Variants in SDK1 observed in about 807,000 individuals in gnomAD.
SDK1 encodes protein sidekick-1.
Under a neutral mutation model 245.5 loss-of-function variants are expected in SDK1, and 157 were observed. That is an observed-to-expected ratio of 0.64 (90% CI 0.56 to 0.73). SDK1 has a LOEUF of 0.73. Ranked by LOEUF, SDK1 falls within the 30% of genes least tolerant of loss-of-function variation. The probability of loss-of-function intolerance (pLI) is 0.00; values close to 1 mark genes in which losing one functional copy is unlikely to be tolerated. For missense variants in SDK1, 3,583 were observed against 3,002.3 expected (o/e 1.19, Z -4.52); for synonymous variants, 1,647 against 1,278.5 (o/e 1.29, Z -6.15).
chr7:3,672,050 G>A (rs1783716390), intron 4 of SDK1, among the ~76,000 whole-genome samples: 1 of 152,154 alleles, frequency 6.6e-6, no homozygotes, highest in South Asian at 2.1e-4. Flanking sequence ...CGGCCTCTGG[G>A]AGGGCTTATC....
At position 4,140,574 on chromosome 7, in the gene SDK1, G is replaced by T. The variant is rs183156948; in HGVS notation, c.4229-5148G>T. ...TCAGAATCCCATCATACTGCAGCAGGGGGGAGCTGAGGCCAACAGCAGGGT... is the reference window on the plus strand; with the variant it reads ...TCAGAATCCCATCATACTGCAGCAGTGGGGAGCTGAGGCCAACAGCAGGGT... On this transcript the variant is annotated intron_variant, in intron 28 of 44. Coordinates refer to ENST00000404826, the MANE Select transcript of SDK1 (RefSeq NM_152744.4). 1.3e-3 allele frequency among the ~76,000 whole-genome samples: 204 copies of T among 152,116 alleles called. 3 individuals carry two copies. Among genetic ancestry groups the T allele is most frequent in the Non-Finnish European group, 3.1e-4 (21 of 67,998 alleles).
Position 3,358,268 on chromosome 7 carries a change from C to T in SDK1, c.298+56384C>T, listed in dbSNP as rs191111275. ...AACTCCCGACCTCAAGTGATCTGCC[C>T]GTCTCAGCCTCCCAAAGTGCTGGGA... On this transcript the variant is annotated intron_variant, in intron 1 of 44. Coordinates refer to ENST00000404826, the MANE Select transcript of SDK1 (RefSeq NM_152744.4). 2.2e-3 allele frequency among the ~76,000 whole-genome samples: 330 copies of T among 152,200 alleles called. 1 individual carries two copies. Among genetic ancestry groups the T allele is most frequent in the African/African-American group, 7.5e-3 (313 of 41,532 alleles).
intron 4 of SDK1, among the ~76,000 whole-genome samples, chr7:3,789,397 C>A (rs1052067008): frequency 3.1e-4 from 47 of 152,360 alleles, no homozygotes; most frequent in African/African-American, 9.4e-4. Context: ...ATCCACTCGC[C>A]TCAGCCTCCC....
intron 5 of SDK1, among the ~76,000 whole-genome samples, chr7:3,873,208 C>A (rs911344717): frequency 1.3e-5 from 2 of 152,030 alleles, no homozygotes; most frequent in Non-Finnish European, 2.9e-5. Flanking sequence ...GATATTTTTA[C>A]TGGGTGTAGA....
At chr7:3,513,968 C>G (rs1296365705) in intron 1 of SDK1, among the ~76,000 whole-genome samples, 1 of 152,202 alleles carries the variant, frequency 6.6e-6, no homozygotes, top group Non-Finnish European at 1.5e-5. Context: ...AGATTTTATT[C>G]TCTTTTATGG....
rs1583291250 is a variant in SDK1, at chr7:3,670,455, A to G, written c.713+28350A>G. On this transcript the variant is annotated intron_variant, in intron 4 of 44. Coordinates refer to ENST00000404826, the MANE Select transcript of SDK1 (RefSeq NM_152744.4). The stretch of plus-strand genomic sequence containing the variant: ...ATGATCTTAGACAAGTTCTTAAACA[A>G]AACAAAACTTTTATTAATGGACAAG... Among the ~76,000 whole-genome samples the G allele has an allele frequency of 2.0e-5, 3 of 152,328 alleles. No homozygotes were observed. The East Asian group carries it at 5.8e-4, about 29-fold the overall frequency.
At chr7:3,471,928 A>C (rs61452261) in intron 1 of SDK1, among the ~76,000 whole-genome samples, 25,856 of 152,190 alleles carry the variant, frequency 0.17, 2,417 homozygotes, top group African/African-American at 0.25. Context: ...TTTCCTTTTG[A>C]AAATAATCAA....
At chr7:3,348,973 C>G (rs1416279929) in intron 1 of SDK1, among the ~76,000 whole-genome samples, 1 of 152,168 alleles carries the variant, frequency 6.6e-6, no homozygotes, top group Non-Finnish European at 1.5e-5. Flanking sequence ...GACTCTGTCC[C>G]TGGAGTGTGC....
At chr7:3,489,447 G>C (rs1562518333) in intron 1 of SDK1, among the ~76,000 whole-genome samples, 1 of 152,108 alleles carries the variant, frequency 6.6e-6, no homozygotes, top group Non-Finnish European at 1.5e-5. Context: ...TAGTATATCA[G>C]ATATATATAT....
chr7:3,860,089 T>A (rs1420626465), intron 5 of SDK1, among the ~76,000 whole-genome samples: 2 of 151,952 alleles, frequency 1.3e-5, no homozygotes, highest in South Asian at 4.1e-4. Flanking sequence ...CTGGCTAAGT[T>A]TTTTGTATTT....
In SDK1 at chr7:3,798,660, G is replaced by C. The variant is rs999041846; in HGVS notation, c.714-22790G>C. 3.3e-5 allele frequency among the ~76,000 whole-genome samples: 5 copies of C among 152,234 alleles called. No individual in the cohort carries two copies. The South Asian group carries it at 1.0e-3, about 32-fold the overall frequency. On this transcript the variant is annotated intron_variant, in intron 4 of 44. Transcript: ENST00000404826. ...ACATGACTTGTCACTGGCAGCGACA[G>C]GGTGGTCACTCGGCTAAGGCGGTGT... is the stretch of plus-strand genomic sequence containing the variant.
intron 19 of SDK1, among the ~76,000 whole-genome samples, chr7:4,066,947 C>T (rs1044839819): frequency 2.4e-4 from 36 of 152,158 alleles, no homozygotes; most frequent in Non-Finnish European, 4.4e-4. Flanking sequence ...GGTCTTTTCT[C>T]TGGGGTGGCA....
At chr7:3,331,212 C>A (rs7806483) in intron 1 of SDK1, among the ~76,000 whole-genome samples, 1 of 151,734 alleles carries the variant, frequency 6.6e-6, no homozygotes, top group African/African-American at 2.4e-5. Flanking sequence ...TGCAGTGAGC[C>A]GAGATTGCAC....
intron 4 of SDK1, among the ~76,000 whole-genome samples, chr7:3,696,794 G>C (rs567552079): frequency 6.6e-6 from 1 of 151,762 alleles, no homozygotes; most frequent in South Asian, 2.1e-4. Flanking sequence ...TGAATTTAGG[G>C]ACTAAAATGT....
At chr7:3,576,236 G>A (rs1333762062) in intron 1 of SDK1, among the ~76,000 whole-genome samples, 2 of 152,066 alleles carry the variant, frequency 1.3e-5, no homozygotes, top group African/African-American at 2.4e-5. Context: ...TCTCTTTTAT[G>A]CTCATCACCC....
chr7:3,720,687 A>G (rs1449443853), intron 4 of SDK1, among the ~76,000 whole-genome samples: 1 of 152,178 alleles, frequency 6.6e-6, no homozygotes, highest in African/African-American at 2.4e-5. Flanking sequence ...TTTCTTCCCA[A>G]CTTACTCTGT....
intron 22 of SDK1, 109 bp downstream of exon 22, chr7:4,079,693 G>A: frequency 1.4e-6 from 2 of 1,477,994 alleles, no homozygotes; most frequent in Non-Finnish European, 1.8e-6. Context: ...GGAGATGGGT[G>A]TGCTTGGAGA....
chr7:3,774,988 G>C (rs567645425), intron 4 of SDK1, among the ~76,000 whole-genome samples: 3 of 152,184 alleles, frequency 2.0e-5, no homozygotes, highest in African/African-American at 7.2e-5. Flanking sequence ...AGGCTGGGCA[G>C]TGCCCCAGGG....
chr7:3,750,269 G>A (rs1779736603), intron 4 of SDK1, among the ~76,000 whole-genome samples: 1 of 152,188 alleles, frequency 6.6e-6, no homozygotes, highest in Non-Finnish European at 1.5e-5. Context: ...CAAGGACTGG[G>A]AAAGAGGTGT....
Sources: allele counts gnomAD v4.1 joint callset (sites outside exome capture counted in the v4.1 genomes callset), GRCh38; gene constraint gnomAD v4.1.1; transcripts MANE v1.5; gene names NCBI Gene and HGNC (gene_info 2026-07-23, HGNC 2026-07-21).